Variants in PDE6A observed in about 807,000 individuals in gnomAD.
PDE6A encodes the protein rod cGMP-specific 3',5'-cyclic phosphodiesterase subunit alpha.
Under a neutral mutation model 106.3 loss-of-function variants are expected in PDE6A, and 84 were observed. The ratio of observed to expected loss-of-function variants is 0.79; its 90% confidence interval spans 0.66 to 0.95. PDE6A has a LOEUF of 0.95. Ranked by LOEUF, PDE6A falls within the 40% of genes least tolerant of loss-of-function variation. The pLI is 0.00. For missense variants in PDE6A, 1,052 were observed against 1,084.9 expected, an observed-to-expected ratio of 0.97 and a Z score of 0.43; for synonymous variants, 394 against 386.6, an observed-to-expected ratio of 1.02 and a Z score of -0.23.
intron 5 of PDE6A, among the ~76,000 whole-genome samples, chr5:149,916,929 C>T (rs1753571176): frequency 6.6e-6 from 1 of 152,104 alleles, no homozygotes; most frequent in Admixed American, 6.5e-5. Context: ...CGGTGCCTGT[C>T]TTGTGAACTC....
intron 1 of PDE6A, among the ~76,000 whole-genome samples, chr5:149,939,851 T>C (rs1754280392): frequency 6.6e-6 from 1 of 151,544 alleles, no homozygotes; most frequent in Non-Finnish European, 1.5e-5. Flanking sequence ...CCTCATTTTA[T>C]AGAGGAGGAG....
intron 4 of PDE6A, among the ~76,000 whole-genome samples, chr5:149,925,802 AAAG>A (rs1753850576): frequency 6.6e-6 from 1 of 152,148 alleles, no homozygotes; most frequent in Non-Finnish European, 1.5e-5. Flanking sequence ...AAAAACACAC[AAAG>A]AAGTATAAGA....
At chr5:149,935,926 A>G (rs1184015079) in intron 1 of PDE6A, among the ~76,000 whole-genome samples, 1 of 152,132 alleles carries the variant, frequency 6.6e-6, no homozygotes. Flanking sequence ...CCAAGGTGGG[A>G]GTATTGCTTG....
At chr5:149,908,764 C>G (rs373826078) in intron 6 of PDE6A, among the ~76,000 whole-genome samples, 4 of 151,914 alleles carry the variant, frequency 2.6e-5, no homozygotes, top group African/African-American at 9.7e-5. Flanking sequence ...TGCCTATAGC[C>G]CCAGCGACTG....
chr5:149,867,751 G>A lies in PDE6A; in HGVS notation c.2248C>T (p.Arg750Cys), dbSNP rs577146307. 73 of 1,613,818 alleles carry A rather than the reference G, an allele frequency of 4.5e-5. No individual in the cohort carries two copies. The highest frequency in any genetic ancestry group is 9.3e-5 in the African/African-American group (7 of 74,980). ...AEFWEQGDLE[R>C]TVLQQNPIPM... ...ATGGGATTCTGTTGCAGCACCGTGC[G>A]CTCCAGGTCACCTTGTTCCCAGAAT... Residue 750 changes from arginine (R) to cysteine (C), a missense_variant, in exon 19 of 22, where the codon CGC (arginine) becomes TGC (cysteine). Coordinates refer to ENST00000255266, the MANE Select transcript of PDE6A (RefSeq NM_000440.3).
chr5:149,879,099 T>C (rs1301910831), intron 17 of PDE6A, among the ~76,000 whole-genome samples: 1 of 152,026 alleles, frequency 6.6e-6, no homozygotes, highest in African/African-American at 2.4e-5. Context: ...TGAGATGGAG[T>C]CTTGCTCTGT....
Position 149,921,636 on chromosome 5 carries a change from C to T in PDE6A, c.932G>A (p.Arg311Lys). 1 of 1,611,944 alleles carries T rather than the reference C, an allele frequency of 6.2e-7. No homozygotes were observed. The highest frequency in any genetic ancestry group is 8.5e-7 in the Non-Finnish European group (1 of 1,178,032). Residue 311 changes from arginine to lysine, a missense_variant and splice_region_variant, in exon 5 of 22, where the codon AGA becomes AAA. This residue lies in a region of PDE6A where 913 missense variants were observed against 915.2 expected (regional missense o/e 1.00). Transcript: ENST00000255266. Reference protein sequence around the residue: ...PYSGPRTPDGREINFYKVIDY... With the variant: ...PYSGPRTPDGKEINFYKVIDY... Reference sequence around the variant, plus strand: ...CTGAAAAGGTCAGAGAGAACGTACTCTTCCATCCGGAGTCCTGGGACCAGA... The same window carrying T: ...CTGAAAAGGTCAGAGAGAACGTACTTTTCCATCCGGAGTCCTGGGACCAGA...
intron 21 of PDE6A, 120 bp downstream of exon 21, chr5:149,862,999 C>T: frequency 2.5e-6 from 3 of 1,183,856 alleles, no homozygotes; most frequent in Non-Finnish European, 3.8e-6. Context: ...AGAATGGGGA[C>T]AGTATTGGCC....
intron 17 of PDE6A, among the ~76,000 whole-genome samples, chr5:149,871,629 T>C (rs1760556928): frequency 6.6e-6 from 1 of 152,044 alleles, no homozygotes; most frequent in African/African-American, 2.4e-5. Context: ...GGAGACCTGG[T>C]AAGAGAAGCT....
chr5:149,913,456 C>A (rs760652942), intron 6 of PDE6A, among the ~76,000 whole-genome samples: 1 of 151,774 alleles, frequency 6.6e-6, no homozygotes, highest in African/African-American at 2.4e-5. Context: ...ATAGAGATAA[C>A]CTAGAAATTG....
At chr5:149,901,054 TA>T (rs1486880355) in intron 8 of PDE6A, among the ~76,000 whole-genome samples, 2 of 152,122 alleles carry the variant, frequency 1.3e-5, no homozygotes, top group African/African-American at 2.4e-5. Flanking sequence ...TAGCTGGGAT[TA>T]CAGATGCCCA....
chr5:149,892,619 T>G (rs1013910423), intron 13 of PDE6A, among the ~76,000 whole-genome samples: 4 of 151,836 alleles, frequency 2.6e-5, no homozygotes, highest in Non-Finnish European at 1.5e-5. Flanking sequence ...ACTCCCTGAG[T>G]AGCTGGGACC....
At chr5:149,885,399 A>T (rs751349346) in intron 14 of PDE6A, among the ~76,000 whole-genome samples, 49 of 152,222 alleles carry the variant, frequency 3.2e-4, no homozygotes, top group Non-Finnish European at 4.6e-4. Context: ...TAGGGATAAC[A>T]TTAGCCCCTG....
At position 149,896,517 on chromosome 5, in the gene PDE6A, G is replaced by GAGT; in HGVS notation, c.1474-18_1474-16dup. 6.2e-7 allele frequency: 1 copy of GAGT among 1,614,162 alleles called. No individual in the cohort carries two copies. Among genetic ancestry groups the GAGT allele is most frequent in the South Asian group, 1.1e-5 (1 of 91,058 alleles). ...AGCTCCGCTTGCTGTATAAGGAATAGAGTCAGGTGATTAGGAAACATGAAG... is the reference window on the plus strand; with the variant it reads ...AGCTCCGCTTGCTGTATAAGGAATAGAGTAGTCAGGTGATTAGGAAACATGAAG... On this transcript the variant is annotated splice_polypyrimidine_tract_variant and intron_variant, in intron 11 of 21. Coordinates refer to ENST00000255266, the MANE Select transcript of PDE6A (RefSeq NM_000440.3).
intron 1 of PDE6A, among the ~76,000 whole-genome samples, chr5:149,938,874 CCT>C (rs1321418758): frequency 6.6e-6 from 1 of 152,124 alleles, no homozygotes; most frequent in African/African-American, 2.4e-5. Flanking sequence ...AAAAGAACTA[CCT>C]TTGTGATTTC....
Position 149,903,684 on chromosome 5 carries a change from G to A in PDE6A, c.1077C>T (p.Ile359=). 6.2e-7 allele frequency: 1 copy of A among 1,613,772 alleles called. No individual in the cohort carries two copies. The highest frequency in any genetic ancestry group is 2.2e-5 in the East Asian group (1 of 44,878). The part of the protein sequence containing the change: ...YVAQNGLICN[I]MNAPAEDFFA... Reference sequence around the variant, plus strand: ...AAAAGTCCTCCGCAGGCGCATTCATGATGTTGCAAATCTGAGAGCAGTGAA... The same window carrying A: ...AAAAGTCCTCCGCAGGCGCATTCATAATGTTGCAAATCTGAGAGCAGTGAA... The change falls in exon 8 of 22, where the codon ATC becomes ATT. Residue 359 remains isoleucine, a synonymous_variant. Transcript: ENST00000255266.
chr5:149,876,218 AAG>A (rs1398041895), intron 17 of PDE6A, among the ~76,000 whole-genome samples: 11 of 152,252 alleles, frequency 7.2e-5, no homozygotes, highest in African/African-American at 2.6e-4. Flanking sequence ...TAAACACTCA[AAG>A]CACCCTTTTT....
At chr5:149,921,207 G>A (rs922225191) in intron 5 of PDE6A, among the ~76,000 whole-genome samples, 2 of 152,008 alleles carry the variant, frequency 1.3e-5, no homozygotes, top group African/African-American at 4.8e-5. Context: ...TGAGTATGTT[G>A]GTCCCTGTTT....
intron 3 of PDE6A, among the ~76,000 whole-genome samples, 154 bp from the exon 4 acceptor site, chr5:149,931,322 A>G (rs951349474): frequency 3.3e-5 from 5 of 150,702 alleles, no homozygotes; most frequent in African/African-American, 1.2e-4. Context: ...ACTATCCCCT[A>G]TTTTTACTTT....
Sources: allele counts gnomAD v4.1 joint callset (sites outside exome capture counted in the v4.1 genomes callset), GRCh38; gene constraint gnomAD v4.1.1; regional missense constraint gnomAD v4.1.1; transcripts MANE v1.5; gene names NCBI Gene and HGNC (gene_info 2026-07-23, HGNC 2026-07-21).